Variants in ZNF493 observed in about 807,000 individuals in gnomAD.
ZNF493 encodes the protein zinc finger protein 493.
A neutral mutation model predicts 12.2 loss-of-function variants in ZNF493; 11 were observed. The ratio of observed to expected loss-of-function variants is 0.90; its 90% CI spans 0.57 to 1.50. The LOEUF (loss-of-function observed/expected upper bound fraction) is 1.50. Among genes scored for constraint, ZNF493 ranks in the 40% most tolerant of loss-of-function variants. The pLI, the probability that ZNF493 is intolerant of heterozygous loss-of-function variation, is 0.00. For synonymous variants in ZNF493, 286 were observed against 302.6 expected (o/e 0.95, Z 0.57); for missense variants, 950 against 906.6 (o/e 1.05, Z -0.61).
At position 21,425,838 on chromosome 19, in the gene ZNF493, T is replaced by C. The variant is rs902434429; in HGVS notation, c.*854T>C. ...AACTCCTAGTAAACATAATTAATGA[T>C]GGAGAGAAACCATACAACTGTGAAG... is the stretch of plus-strand genomic sequence containing the variant. On this transcript the variant is annotated 3_prime_UTR_variant, in exon 4 of 4. Coordinates refer to ENST00000392288, the MANE Select transcript of ZNF493 (RefSeq NM_001076678.3). 1.2e-5 allele frequency: 7 copies of C among 560,526 alleles called. No individual in the cohort carries two copies. Among genetic ancestry groups the C allele is most frequent in the African/African-American group, 9.6e-5 (5 of 52,122 alleles). The allele number at this position is 560,526 out of a possible 1,614,324, so 34.7% of individuals were successfully genotyped here. A position where few individuals can be genotyped will look rare whatever the true frequency, so the allele number is the denominator to read the frequency against.
At chr19:21,418,396 T>C (rs1034579476) in intron 3 of ZNF493, among the ~76,000 whole-genome samples, 6 of 152,308 alleles carry the variant, frequency 3.9e-5, no homozygotes, top group African/African-American at 1.4e-4. Flanking sequence ...ACCCTGATGC[T>C]TCCAAGCTCC....
intron 3 of ZNF493, chr19:21,408,039 C>A (rs1599732647): frequency 2.0e-6 from 2 of 983,092 alleles, no homozygotes; most frequent in Non-Finnish European, 2.4e-6. Flanking sequence ...AACTTGGTTG[C>A]AAGGCTGCTG....
intron 1 of ZNF493, 48 bp from the exon 2 acceptor site, chr19:21,405,081 C>A (rs528988968): frequency 1.9e-5 from 29 of 1,542,364 alleles, no homozygotes; most frequent in Admixed American, 4.2e-5. Context: ...ATTTTGCCCA[C>A]GTGTAAATGT....
intron 3 of ZNF493, chr19:21,407,590 A>G: frequency 8.2e-6 from 8 of 976,982 alleles, no homozygotes; most frequent in Non-Finnish European, 7.3e-6. Context: ...TGCCCAGCCT[A>G]ATAAAAATTT....
At chr19:21,418,911 C>T (rs951811739) in intron 3 of ZNF493, among the ~76,000 whole-genome samples, 2 of 152,068 alleles carry the variant, frequency 1.3e-5, no homozygotes, top group East Asian at 1.9e-4. Context: ...AACCTCCCAG[C>T]GTGGGCGTTA....
At position 21,425,097 on chromosome 19, in the gene ZNF493, C is replaced by A; in HGVS notation, c.*113C>A. ...TAAGATAATTAATGCTGGAGAGAAA[C>A]CCTACAAATGTGAAGAATGTGGCAA... On this transcript the variant is annotated 3_prime_UTR_variant, in exon 4 of 4. Transcript: ENST00000392288. The A allele has an allele frequency of 1.6e-6, 2 of 1,261,862 alleles. No homozygotes were observed. The highest frequency in any genetic ancestry group is 2.3e-6 in the Non-Finnish European group (2 of 871,010). 78.2% of individuals were successfully genotyped at this position (1,261,862 alleles called of 1,614,324 possible).
intron 3 of ZNF493, chr19:21,412,510 G>C (rs550987689): frequency 1.0e-5 from 1 of 100,328 alleles, no homozygotes; most frequent in East Asian, 2.5e-4. Context: ...CAGATTTTGG[G>C]GGGCCTGTTC....
intron 3 of ZNF493, among the ~76,000 whole-genome samples, chr19:21,418,458 C>T (rs2030558800): frequency 6.6e-6 from 1 of 152,154 alleles, no homozygotes; most frequent in Non-Finnish European, 1.5e-5. Context: ...TGTCCTCCGG[C>T]TTAGTTCTAC....
At chr19:21,411,719 CA>C (rs557081015) in intron 3 of ZNF493, among the ~76,000 whole-genome samples, 105 of 129,614 alleles carry the variant, frequency 8.1e-4, no homozygotes, top group East Asian at 3.5e-3. Flanking sequence ...GACTCCATCT[CA>C]AAAAAAAAAA....
chr19:21,416,056 C>G (rs1281453977), intron 3 of ZNF493, among the ~76,000 whole-genome samples: 1 of 152,166 alleles, frequency 6.6e-6, no homozygotes, highest in Non-Finnish European at 1.5e-5. Flanking sequence ...TGTTCAGTAA[C>G]TAATTTCTCT....
chr19:21,425,371 TCAAAGC>T lies in ZNF493; in HGVS notation c.*388_*393del. On this transcript the variant is annotated 3_prime_UTR_variant, in exon 4 of 4. Transcript: ENST00000392288. ...AAACCCTACAAATATGAGGAATGTCTCAAAGCTTTTTACTGATTCTTATACCTTACT... is the reference window on the plus strand; with the variant it reads ...AAACCCTACAAATATGAGGAATGTCTTTTTTACTGATTCTTATACCTTACT... 3 of 412,880 alleles carry T rather than the reference TCAAAGC, an allele frequency of 7.3e-6. No homozygotes were observed. The highest frequency in any genetic ancestry group is 1.4e-5 in the Non-Finnish European group (3 of 210,174). The allele number at this position is 412,880 out of a possible 1,614,324, so 25.6% of individuals were successfully genotyped here.
At position 21,424,758 on chromosome 19, in the gene ZNF493, T is replaced by G; in HGVS notation, c.2099T>G (p.Leu700Arg). ...AAAACTTTCTACCGATTCTCAAACC[T>G]TAATACGCATAAGATAATTCATACT... ...CGKTFYRFSN[L>R]NTHKIIHTGE... Residue 700 changes from leucine to arginine, a missense_variant, in exon 4 of 4, where the codon CTT becomes CGT. Leu to Arg is a moderately radical substitution (Grantham distance 102). Coordinates refer to ENST00000392288, the MANE Select transcript of ZNF493 (RefSeq NM_001076678.3). 6.2e-7 allele frequency: 1 copy of G among 1,613,258 alleles called. No homozygotes were observed. The highest frequency in any genetic ancestry group is 2.2e-5 in the East Asian group (1 of 44,826).
intron 3 of ZNF493, chr19:21,412,900 G>T: frequency 2.3e-6 from 1 of 432,586 alleles, no homozygotes; most frequent in Non-Finnish European, 4.6e-6. Flanking sequence ...CTTGTGTTTA[G>T]CTCCTACAGC....
chr19:21,413,364 T>A, intron 3 of ZNF493: 1 of 405,730 alleles, frequency 2.5e-6, no homozygotes, highest in South Asian at 1.0e-4. Context: ...AATTGTTCTC[T>A]GTGTCAGCCC....
intron 1 of ZNF493, chr19:21,397,890 A>T (rs1454902407): frequency 6.5e-6 from 1 of 153,272 alleles, no homozygotes; most frequent in Non-Finnish European, 1.5e-5. Context: ...TTATGTAATC[A>T]GAGCTTAATT....
rs1443262114 is a variant in ZNF493 at position 21,427,324 on chromosome 19, A to G, written c.*2340A>G. ...TTTATTATACTTTAAGTTTTAGGGTACATGTGCACAATGTGCAGGTTAGTT... is the reference window on the plus strand; with the variant it reads ...TTTATTATACTTTAAGTTTTAGGGTGCATGTGCACAATGTGCAGGTTAGTT... On this transcript the variant is annotated 3_prime_UTR_variant, in exon 4 of 4. Transcript: ENST00000392288. 2 of 162,100 alleles carry G rather than the reference A, an allele frequency of 1.2e-5. No homozygotes were observed. Among genetic ancestry groups the G allele is most frequent in the Admixed American group, 6.5e-5 (1 of 15,278 alleles). The allele number at this position is 162,100 out of a possible 1,614,324, so 10.0% of individuals were successfully genotyped here. A position where few individuals can be genotyped will look rare whatever the true frequency, so the allele number is the denominator to read the frequency against.
intron 1 of ZNF493, among the ~76,000 whole-genome samples, chr19:21,403,041 T>A (rs2029998874): frequency 6.6e-6 from 1 of 152,222 alleles, no homozygotes; most frequent in South Asian, 2.1e-4. Flanking sequence ...CAGCCTTGAG[T>A]CACTGAGAAC....
At chr19:21,415,509 C>A (rs545317218) in intron 3 of ZNF493, among the ~76,000 whole-genome samples, 17 of 152,098 alleles carry the variant, frequency 1.1e-4, no homozygotes, top group Non-Finnish European at 2.1e-4. Context: ...GAGTAGTAGT[C>A]TGAATTTTGT....
rs369997415 is a variant in ZNF493 at position 21,424,396 on chromosome 19, C to A, written c.1737C>A (p.Gly579=). The A allele has an allele frequency of 6.2e-7, 1 of 1,613,046 alleles. No homozygotes were observed. Among genetic ancestry groups the A allele is most frequent in the Admixed American group, 1.7e-5 (1 of 59,882 alleles). Residue 579 remains glycine, a synonymous_variant, in exon 4 of 4, where the codon GGC becomes GGA. Coordinates refer to ENST00000392288, the MANE Select transcript of ZNF493 (RefSeq NM_001076678.3). Reference sequence around the variant, plus strand: ...AACCCTACAAATGTAAAGAATGTGGCAAATCCTTTAGTGTATTCTCAACCC... The same window carrying A: ...AACCCTACAAATGTAAAGAATGTGGAAAATCCTTTAGTGTATTCTCAACCC... ...GHKPYKCKEC[G]KSFSVFSTLT...
Sources: gnomAD v4.1 joint callset for allele counts (sites outside exome capture counted in the v4.1 genomes callset) on GRCh38, gnomAD v4.1.1 for gene constraint, MANE v1.5 for transcripts, NCBI Gene and HGNC (gene_info 2026-07-23, HGNC 2026-07-21) for gene names.